Variants in SDK1 observed in about 807,000 individuals in gnomAD.
SDK1 encodes sidekick cell adhesion molecule 1.
A neutral mutation model predicts 245.5 loss-of-function variants in SDK1; 157 were observed. The observed-to-expected ratio is 0.64, with a 90% CI of 0.56 to 0.73. The LOEUF (loss-of-function observed/expected upper bound fraction) is 0.73, where lower values mean the gene tolerates loss of function less well. Ranked by LOEUF, SDK1 falls within the 30% of genes least tolerant of loss-of-function variation. SDK1 has a pLI of 0.00. For missense variants in SDK1, 3,583 were observed against 3,002.3 expected, an observed-to-expected ratio of 1.19 and a Z score of -4.52; for synonymous variants, 1,647 against 1,278.5, an observed-to-expected ratio of 1.29 and a Z score of -6.15.
intron 5 of SDK1, among the ~76,000 whole-genome samples, chr7:3,910,136 C>T (rs545526364): frequency 2.6e-5 from 4 of 152,318 alleles, no homozygotes; most frequent in East Asian, 1.9e-4. Flanking sequence ...CGTGGTGCTG[C>T]GTCAGCAGAC....
intron 1 of SDK1, among the ~76,000 whole-genome samples, chr7:3,587,515 C>T (rs1780728992): frequency 6.6e-6 from 1 of 152,120 alleles, no homozygotes; most frequent in Non-Finnish European, 1.5e-5. Flanking sequence ...GTGCCAAGTA[C>T]AGGAGAAGAT....
intron 1 of SDK1, chr7:3,338,527 G>A (rs375587842): frequency 2.3e-6 from 1 of 430,322 alleles, no homozygotes; most frequent in East Asian, 5.8e-5. Flanking sequence ...TGTTCCCAGA[G>A]AAGCACACTT....
chr7:3,997,327 G>A (rs1348439779), intron 14 of SDK1, among the ~76,000 whole-genome samples: 2 of 152,156 alleles, frequency 1.3e-5, no homozygotes, highest in African/African-American at 2.4e-5. Flanking sequence ...GAGGAGCCCC[G>A]CAGTGGGTGG....
At chr7:3,602,585 T>C (rs74783419) in intron 1 of SDK1, among the ~76,000 whole-genome samples, 30,268 of 150,016 alleles carry the variant, frequency 0.2, 3,340 homozygotes, top group South Asian at 0.3. Context: ...AGCCCTTTGT[T>C]AGATGAGTAG....
At chr7:4,035,922 G>A (rs2128160232) in intron 17 of SDK1, among the ~76,000 whole-genome samples, 1 of 152,210 alleles carries the variant, frequency 6.6e-6, no homozygotes, top group Non-Finnish European at 1.5e-5. Flanking sequence ...AACTGCAATG[G>A]ACTGAAATGC....
chr7:3,343,773 C>CT (rs1402018866), intron 1 of SDK1, among the ~76,000 whole-genome samples: 2 of 151,860 alleles, frequency 1.3e-5, no homozygotes, highest in African/African-American at 2.4e-5. Flanking sequence ...TGGAAAGTGC[C>CT]TTAAAATACA....
rs372413788 is a variant in SDK1, at chr7:3,728,560, A to C, written c.713+86455A>C. Among the ~76,000 whole-genome samples the C allele has an allele frequency of 1.4e-4, 21 of 152,330 alleles. No homozygotes were observed. The East Asian group carries it at 4.0e-3, about 29-fold the overall frequency. ...CAACAGTGGAGAAAGGCCTTGTGAC[A>C]TTGAGAAGAGAAGTTGGCCATGTAG... is the stretch of plus-strand genomic sequence containing the variant. On this transcript the variant is annotated intron_variant, in intron 4 of 44. Coordinates refer to ENST00000404826, the MANE Select transcript of SDK1 (RefSeq NM_152744.4).
intron 4 of SDK1, among the ~76,000 whole-genome samples, chr7:3,693,151 T>A (rs1369588660): frequency 1.3e-5 from 2 of 152,150 alleles, no homozygotes; most frequent in African/African-American, 4.8e-5. Flanking sequence ...TTTGTTTTTT[T>A]ACAAATAAAA....
chr7:3,712,294 G>A (rs902389720), intron 4 of SDK1, among the ~76,000 whole-genome samples: 1 of 152,134 alleles, frequency 6.6e-6, no homozygotes, highest in African/African-American at 2.4e-5. Flanking sequence ...GTGCGTGTGA[G>A]GGTCCTAGGT....
chr7:3,698,726 C>T (rs1032017106), intron 4 of SDK1, among the ~76,000 whole-genome samples: 2 of 152,216 alleles, frequency 1.3e-5, no homozygotes, highest in African/African-American at 2.4e-5. Flanking sequence ...ACCACCTTCT[C>T]GCTGTGTCCT....
At chr7:3,346,632 C>T (rs1271913678) in intron 1 of SDK1, among the ~76,000 whole-genome samples, 5 of 147,662 alleles carry the variant, frequency 3.4e-5, no homozygotes, top group African/African-American at 1.3e-4. Flanking sequence ...CCTACCTTAG[C>T]CTTCTGCACC....
intron 42 of SDK1, among the ~76,000 whole-genome samples, chr7:4,240,173 A>G (rs141167045): frequency 5.3e-4 from 80 of 151,992 alleles, no homozygotes; most frequent in Middle Eastern, 6.8e-3. Flanking sequence ...GCATAGAAAA[A>G]TCTCCCTGCT....
intron 20 of SDK1, among the ~76,000 whole-genome samples, chr7:4,075,620 T>G (rs555405602): frequency 6.6e-6 from 1 of 151,730 alleles, no homozygotes; most frequent in East Asian, 1.9e-4. Context: ...TCCACGCGGG[T>G]TGATTGATTC....
At chr7:3,974,822 C>A in intron 13 of SDK1, 1 of 357,832 alleles carries the variant, frequency 2.8e-6, no homozygotes, top group Non-Finnish European at 5.2e-6. Context: ...CCGTGGACAC[C>A]TTATCCTGAT....
chr7:4,164,392 G>A (rs536458495), intron 32 of SDK1, among the ~76,000 whole-genome samples: 1 of 152,078 alleles, frequency 6.6e-6, no homozygotes, highest in African/African-American at 2.4e-5. Context: ...CCAGTCTTTG[G>A]GGGCCGCTAG....
intron 1 of SDK1, among the ~76,000 whole-genome samples, chr7:3,442,516 T>A (rs73293153): frequency 0.064 from 9,683 of 152,270 alleles, 990 homozygotes; most frequent in African/African-American, 0.21. Context: ...GTGGAGAATA[T>A]ACATTTTGGA....
intron 4 of SDK1, among the ~76,000 whole-genome samples, chr7:3,720,992 C>G (rs953952361): frequency 1.6e-4 from 24 of 152,168 alleles, no homozygotes; most frequent in Admixed American, 1.3e-3. Context: ...AAGCCAATCT[C>G]AAATGGTCAC....
chr7:3,993,134 G>A (rs1337207684), intron 14 of SDK1, among the ~76,000 whole-genome samples: 1 of 152,090 alleles, frequency 6.6e-6, no homozygotes, highest in Non-Finnish European at 1.5e-5. Context: ...TCTTTCACAT[G>A]AGTGAGTCGG....
intron 1 of SDK1, among the ~76,000 whole-genome samples, chr7:3,588,652 C>T (rs1478574236): frequency 6.6e-6 from 1 of 152,098 alleles, no homozygotes; most frequent in South Asian, 2.1e-4. Context: ...TTTAGGGAGA[C>T]CTTTTGGGCA....
Sources: gnomAD v4.1 joint callset for allele counts (sites outside exome capture counted in the v4.1 genomes callset) on GRCh38, gnomAD v4.1.1 for gene constraint, MANE v1.5 for transcripts, NCBI Gene and HGNC (gene_info 2026-07-23, HGNC 2026-07-21) for gene names.